ZBTB7C: variants seen among roughly 807,000 people sequenced by gnomAD.
The protein encoded by ZBTB7C is zinc finger and BTB domain-containing protein 7C.
ZBTB7C carries 8 observed loss-of-function variants against 25.7 expected under a neutral mutation model. The observed-to-expected ratio is 0.31, with a 90% confidence interval of 0.18 to 0.56. The LOEUF (loss-of-function observed/expected upper bound fraction) is 0.56, where lower values mean the gene tolerates loss of function less well. ZBTB7C is among the 20% of genes least tolerant of loss of function. The pLI, the probability that ZBTB7C is intolerant of heterozygous loss-of-function variation, is 0.91. For synonymous variants in ZBTB7C, 394 were observed against 369.0 expected, an observed-to-expected ratio of 1.07 and a Z score of -0.78; for missense variants, 824 against 855.2, an observed-to-expected ratio of 0.96 and a Z score of 0.46.
At chr18:48,142,338 A>G (rs961495239) in intron 3 of ZBTB7C, among the ~76,000 whole-genome samples, 1 of 152,170 alleles carries the variant, frequency 6.6e-6, no homozygotes, top group African/African-American at 2.4e-5. Context: ...CCCATTTAGG[A>G]GCACTGGGAG....
intron 2 of ZBTB7C, among the ~76,000 whole-genome samples, chr18:48,265,132 G>A (rs1288483076): frequency 6.6e-6 from 1 of 152,146 alleles, no homozygotes; most frequent in African/African-American, 2.4e-5. Flanking sequence ...TACCTGGCCT[G>A]CCTTTGGCAA....
chr18:48,219,223 G>A (rs905893850), intron 2 of ZBTB7C, among the ~76,000 whole-genome samples: 1 of 152,070 alleles, frequency 6.6e-6, no homozygotes, highest in African/African-American at 2.4e-5. Context: ...ACTCACTCCC[G>A]AGCTGCAGTG....
At chr18:48,373,634 CTCTCAT>C (rs2047442578) in intron 1 of ZBTB7C, among the ~76,000 whole-genome samples, 1 of 152,196 alleles carries the variant, frequency 6.6e-6, no homozygotes, top group Admixed American at 6.5e-5. Context: ...GATAAGTGAG[CTCTCAT>C]TCTGAGTTCA....
At chr18:48,154,994 C>G (rs2040792621) in intron 3 of ZBTB7C, among the ~76,000 whole-genome samples, 1 of 152,208 alleles carries the variant, frequency 6.6e-6, no homozygotes, top group South Asian at 2.1e-4. Context: ...CTAGAGCCAC[C>G]AAATGTGGGA....
intron 2 of ZBTB7C, among the ~76,000 whole-genome samples, chr18:48,215,512 T>C (rs915190701): frequency 1.3e-5 from 2 of 152,210 alleles, no homozygotes; most frequent in South Asian, 4.1e-4. Flanking sequence ...TTACAAACCA[T>C]TGGTGGATTC....
At chr18:48,284,749 C>A (rs1369851964) in intron 2 of ZBTB7C, among the ~76,000 whole-genome samples, 1 of 143,036 alleles carries the variant, frequency 7.0e-6, no homozygotes, top group Admixed American at 7.2e-5. Context: ...CAAGATCGTA[C>A]CACAGCACTC....
Position 48,083,268 on chromosome 18 carries a change from G to T in ZBTB7C, c.-16-42145C>A, listed in dbSNP as rs192161448. On this transcript the variant is annotated intron_variant, in intron 3 of 4. Coordinates refer to ENST00000590800, the MANE Select transcript of ZBTB7C (RefSeq NM_001318841.2). ...CATCACTTGCAGTTTGAAAAACACT[G>T]CCTTAAATGATTGATTTCCAAGTAG... Among the ~76,000 whole-genome samples the T allele has an allele frequency of 1.1e-3, 162 of 151,760 alleles. 2 individuals carry two copies. Among genetic ancestry groups the T allele is most frequent in the African/African-American group, 3.7e-3 (154 of 41,348 alleles).
intron 3 of ZBTB7C, among the ~76,000 whole-genome samples, chr18:48,169,187 A>G (rs540336599): frequency 6.0e-4 from 91 of 152,188 alleles, no homozygotes; most frequent in Non-Finnish European, 1.1e-3. Flanking sequence ...CTCCTACTGC[A>G]TGCTCCTGCA....
At chr18:48,246,627 TTTAA>T (rs1244961817) in intron 2 of ZBTB7C, among the ~76,000 whole-genome samples, 1 of 152,070 alleles carries the variant, frequency 6.6e-6, no homozygotes, top group African/African-American at 2.4e-5. Flanking sequence ...CTGTAATAAC[TTTAA>T]TTAAACTCTC....
intron 3 of ZBTB7C, among the ~76,000 whole-genome samples, chr18:48,046,879 G>A (rs2036492812): frequency 6.6e-6 from 1 of 152,196 alleles, no homozygotes; most frequent in South Asian, 2.1e-4. Context: ...TGACCATGAG[G>A]AGCCAGAAGC....
At chr18:48,320,507 T>C (rs1486617635) in intron 2 of ZBTB7C, among the ~76,000 whole-genome samples, 1 of 151,996 alleles carries the variant, frequency 6.6e-6, no homozygotes, top group Non-Finnish European at 1.5e-5. Flanking sequence ...CTAATCCAGG[T>C]GAGAGGTGAC....
intron 3 of ZBTB7C, among the ~76,000 whole-genome samples, chr18:48,056,542 A>G (rs7236507): frequency 0.11 from 17,425 of 152,240 alleles, 1,197 homozygotes; most frequent in South Asian, 0.18. Flanking sequence ...ACAGATCAAT[A>G]TAAAGTCACG....
At chr18:48,156,946 T>C (rs1021775190) in intron 3 of ZBTB7C, among the ~76,000 whole-genome samples, 1 of 152,176 alleles carries the variant, frequency 6.6e-6, no homozygotes, top group African/African-American at 2.4e-5. Context: ...TGCCCCTGCC[T>C]GTCACTCAGA....
At chr18:48,179,846 CTCCT>C (rs564139548) in intron 3 of ZBTB7C, among the ~76,000 whole-genome samples, 182 of 139,704 alleles carry the variant, frequency 1.3e-3, no homozygotes, top group African/African-American at 4.3e-3. Context: ...GAAGATATTT[CTCCT>C]TCCTTCCTTC....
chr18:48,342,971 AC>A (rs1362528852), intron 1 of ZBTB7C, among the ~76,000 whole-genome samples: 1 of 152,138 alleles, frequency 6.6e-6, no homozygotes, highest in Non-Finnish European at 1.5e-5. Flanking sequence ...ATACTTAGTG[AC>A]CCGACAGTAC....
At chr18:48,366,947 G>A (rs2047235096) in intron 1 of ZBTB7C, among the ~76,000 whole-genome samples, 1 of 151,920 alleles carries the variant, frequency 6.6e-6, no homozygotes, top group Non-Finnish European at 1.5e-5. Flanking sequence ...CACCGCACTG[G>A]TGACAGAGAC....
At chr18:48,275,081 C>T (rs928763954) in intron 2 of ZBTB7C, among the ~76,000 whole-genome samples, 3 of 152,182 alleles carry the variant, frequency 2.0e-5, no homozygotes, top group Admixed American at 6.5e-5. Context: ...GGAAAAGAGT[C>T]ACAAGTGAGC....
intron 3 of ZBTB7C, among the ~76,000 whole-genome samples, chr18:48,112,312 T>G: frequency 7.3e-6 from 1 of 136,870 alleles, no homozygotes; most frequent in South Asian, 2.9e-4. Flanking sequence ...CACCCATCCT[T>G]CCTTCTTTTC....
At chr18:48,094,334 T>C (rs1031846380) in intron 3 of ZBTB7C, among the ~76,000 whole-genome samples, 3 of 152,212 alleles carry the variant, frequency 2.0e-5, no homozygotes, top group African/African-American at 7.2e-5. Context: ...GGTGGTGGCA[T>C]GCCACAGTTG....
Sources: allele counts gnomAD v4.1 joint callset (sites outside exome capture counted in the v4.1 genomes callset), GRCh38; gene constraint gnomAD v4.1.1; transcripts MANE v1.5; gene names NCBI Gene and HGNC (gene_info 2026-07-23, HGNC 2026-07-21).